Variants in B3GALNT2 observed in about 807,000 individuals in gnomAD.
B3GALNT2 encodes the protein UDP-GalNAc:beta-1,3-N-acetylgalactosaminyltransferase 2.
Under a neutral mutation model 61.1 loss-of-function variants are expected in B3GALNT2, and 53 were observed. The ratio of observed to expected loss-of-function variants is 0.87; its 90% CI spans 0.70 to 1.09. The LOEUF is 1.09. Among genes scored for constraint, B3GALNT2 ranks in the 50% least tolerant of loss-of-function variants. The probability of loss-of-function intolerance (pLI) is 0.00; values close to 1 mark genes in which losing one functional copy is unlikely to be tolerated. For missense variants in B3GALNT2, 544 were observed against 623.0 expected (o/e 0.87, Z 1.35); for synonymous variants, 223 against 237.4 (o/e 0.94, Z 0.56).
Position 235,484,187 on chromosome 1 carries a change from A to T in B3GALNT2, c.555+135T>A, listed in dbSNP as rs184409276. 5.1e-5 allele frequency: 67 copies of T among 1,323,962 alleles called. No homozygotes were observed. The East Asian group carries it at 1.4e-3, about 29-fold the overall frequency. The allele number at this position is 1,323,962 out of a possible 1,614,324, so 82.0% of individuals were successfully genotyped here. ...TCACACTACAGTGTATTTAGTCAAT[A>T]GGGGAAGAAAGGTGAAAGTCTCTCA... On this transcript the variant is annotated intron_variant, in intron 4 of 11. Coordinates refer to ENST00000366600, the MANE Select transcript of B3GALNT2 (RefSeq NM_152490.5).
At chr1:235,470,759 C>A in intron 6 of B3GALNT2, 91 bp downstream of exon 6, 1 of 1,508,440 alleles carries the variant, frequency 6.6e-7, no homozygotes, top group Non-Finnish European at 8.9e-7. Flanking sequence ...TTGCTCCATG[C>A]TGCCTGGGCT....
downstream of B3GALNT2, among the ~76,000 whole-genome samples, chr1:235,443,165 TACAC>T (rs759694992): frequency 1.3e-4 from 19 of 148,386 alleles, no homozygotes; most frequent in Non-Finnish European, 2.2e-4. Flanking sequence ...TGCATATAAT[TACAC>T]ACACACACAC....
Position 235,461,512 on chromosome 1 carries a change from T to TG in B3GALNT2, c.842-2727_842-2726insC, listed in dbSNP as rs1683430515. On this transcript the variant is annotated intron_variant, in intron 7 of 11. Coordinates refer to ENST00000366600, the MANE Select transcript of B3GALNT2 (RefSeq NM_152490.5). Reference sequence around the variant, plus strand: ...ACAGGGGTAGATGACCTCCTGTTTTTTTTTTTTTTTTTTTTTTTTTTTGAG... The same window carrying TG: ...ACAGGGGTAGATGACCTCCTGTTTTTGTTTTTTTTTTTTTTTTTTTTTTGAG... 7.0e-5 allele frequency among the ~76,000 whole-genome samples: 9 copies of TG among 128,706 alleles called. No individual in the cohort carries two copies. In the South Asian group the frequency reaches 8.4e-4, roughly 12 times the overall value. The allele number at this position is 128,706 out of a possible 152,430, so 84.4% of individuals were successfully genotyped here.
chr1:235,446,694 G>GT (rs1682339702), downstream of B3GALNT2, among the ~76,000 whole-genome samples: 1 of 147,472 alleles, frequency 6.8e-6, no homozygotes, highest in Admixed American at 7.2e-5. Flanking sequence ...TGAGTAGGCA[G>GT]GTTTTTTTTT....
chr1:235,460,910 T>C (rs756835494), intron 7 of B3GALNT2, among the ~76,000 whole-genome samples: 2 of 152,150 alleles, frequency 1.3e-5, no homozygotes, highest in African/African-American at 4.8e-5. Context: ...ATAAAAATGA[T>C]TACTAATGTG....
At chr1:235,450,912 G>C (rs570272897) in intron 11 of B3GALNT2, 5 of 152,410 alleles carry the variant, frequency 3.3e-5, no homozygotes, top group African/African-American at 1.2e-4. Flanking sequence ...TCCTAGCTAC[G>C]TGAATTGGTT....
chr1:235,448,215 A>G lies in B3GALNT2; in HGVS notation c.*1991T>C. 1 of 714,674 alleles carries G rather than the reference A, an allele frequency of 1.4e-6. No individual in the cohort carries two copies. Among genetic ancestry groups the G allele is most frequent in the Non-Finnish European group, 2.4e-6 (1 of 418,776 alleles). 44.3% of individuals were successfully genotyped at this position (714,674 alleles called of 1,614,324 possible). On this transcript the variant is annotated 3_prime_UTR_variant, in exon 12 of 12. Transcript: ENST00000366600. ...ACTTACTTAAGTAAGTAAGTAAGTC[A>G]GTCTCAAAAAAAAAAAAAAAAAAAA...
intron 1 of B3GALNT2, among the ~76,000 whole-genome samples, chr1:235,499,741 G>A (rs1281178517): frequency 2.6e-5 from 4 of 152,198 alleles, no homozygotes; most frequent in Non-Finnish European, 5.9e-5. Flanking sequence ...AGAAAGGGTA[G>A]GATCTAATGT....
the B3GALNT2 span, chr1:235,441,944 G>A: frequency 2.8e-6 from 4 of 1,438,082 alleles, no homozygotes; most frequent in Admixed American, 3.5e-5. Context: ...GAAACAGTTA[G>A]TGTGTTTCTC....
At chr1:235,441,752 GTTTT>G in the B3GALNT2 span, 1 of 1,486,046 alleles carries the variant, frequency 6.7e-7, no homozygotes, top group Non-Finnish European at 9.4e-7. Flanking sequence ...TTGTTTGTTT[GTTTT>G]GTTTTTACTT....
chr1:235,499,835 T>C (rs1181170005), intron 1 of B3GALNT2, among the ~76,000 whole-genome samples: 2 of 152,186 alleles, frequency 1.3e-5, no homozygotes, highest in Non-Finnish European at 2.9e-5. Flanking sequence ...CTACTGGGTA[T>C]GGGATAGGAC....
the B3GALNT2 span, among the ~76,000 whole-genome samples, chr1:235,440,402 A>ATT: frequency 3.1e-4 from 47 of 151,620 alleles, no homozygotes; most frequent in African/African-American, 6.3e-4. Flanking sequence ...ATATATATAT[A>ATT]TTTTTTTGAG....
chr1:235,484,579 G>A (rs1419463407), intron 3 of B3GALNT2, 64 bp from the exon 4 acceptor site: 18 of 1,488,880 alleles, frequency 1.2e-5, no homozygotes, highest in Admixed American at 2.1e-5. Flanking sequence ...CTAGTAAGAA[G>A]TAGTGAAGTG....
At chr1:235,476,905 G>A (rs1370772476) in intron 5 of B3GALNT2, among the ~76,000 whole-genome samples, 1 of 151,436 alleles carries the variant, frequency 6.6e-6, no homozygotes, top group East Asian at 1.9e-4. Flanking sequence ...GGTGCCTGTA[G>A]TCCCAGCTAC....
At chr1:235,440,022 G>C in the B3GALNT2 span, among the ~76,000 whole-genome samples, 1 of 151,990 alleles carries the variant, frequency 6.6e-6, no homozygotes, top group African/African-American at 2.4e-5. Flanking sequence ...CCAGGCTGGA[G>C]TGCAGTGCCG....
intron 1 of B3GALNT2, among the ~76,000 whole-genome samples, chr1:235,495,295 T>C (rs977561584): frequency 9.9e-5 from 15 of 152,184 alleles, no homozygotes; most frequent in Non-Finnish European, 1.3e-4. Context: ...TGAGATAACA[T>C]GTATAAAGCT....
intron 5 of B3GALNT2, chr1:235,479,177 G>C (rs547397671): frequency 3.9e-5 from 6 of 152,210 alleles, no homozygotes; most frequent in Non-Finnish European, 8.8e-5. Context: ...AACACATTGT[G>C]AATGGCACAC....
At chr1:235,499,234 A>G (rs913501460) in intron 1 of B3GALNT2, among the ~76,000 whole-genome samples, 2 of 152,234 alleles carry the variant, frequency 1.3e-5, no homozygotes, top group African/African-American at 4.8e-5. Context: ...TGTAGATACT[A>G]GACGGTTCTG....
chr1:235,448,678 C>T lies in B3GALNT2; in HGVS notation c.*1528G>A. On this transcript the variant is annotated 3_prime_UTR_variant, in exon 12 of 12. Coordinates refer to ENST00000366600, the MANE Select transcript of B3GALNT2 (RefSeq NM_152490.5). ...CTTCGTTCTAATTTTAGAAGCCGGG[C>T]AGAGAAATCGAGCTGGAAAATGACC... is the stretch of plus-strand genomic sequence containing the variant. The T allele has an allele frequency of 6.2e-7, 1 of 1,613,762 alleles. No individual in the cohort carries two copies. The highest frequency in any genetic ancestry group is 8.5e-7 in the Non-Finnish European group (1 of 1,179,756).
Sources: gnomAD v4.1 joint callset for allele counts (sites outside exome capture counted in the v4.1 genomes callset) on GRCh38, gnomAD v4.1.1 for gene constraint, MANE v1.5 for transcripts, NCBI Gene and HGNC (gene_info 2026-07-23, HGNC 2026-07-21) for gene names.